The following ASIP variants were observed in gnomAD, a reference collection of about 807,000 sequenced individuals.
The protein encoded by ASIP is agouti signaling protein.
In ASIP, 11 loss-of-function variants were observed where a neutral mutation model predicts 10.3. That is an observed-to-expected ratio of 1.07 (90% CI 0.68 to 1.78). The LOEUF (loss-of-function observed/expected upper bound fraction) is 1.78, where lower values mean the gene tolerates loss of function less well. Among genes scored for constraint, ASIP ranks in the 40% most tolerant of loss-of-function variants. The pLI is 0.00. For missense variants in ASIP, 180 were observed against 169.2 expected (o/e 1.06, Z -0.35); for synonymous variants, 70 against 70.8 (o/e 0.99, Z 0.06).
intron 1 of ASIP, among the ~76,000 whole-genome samples, chr20:34,195,130 G>GGA (rs2034846551): frequency 1.5e-5 from 2 of 135,536 alleles, no homozygotes; most frequent in African/African-American, 5.2e-5. Flanking sequence ...GAAGGTACCA[G>GGA]AAAAAAAAAA....
intron 1 of ASIP, among the ~76,000 whole-genome samples, chr20:34,217,369 C>T (rs1001707543): frequency 6.6e-6 from 1 of 150,912 alleles, no homozygotes; most frequent in Admixed American, 6.6e-5. Flanking sequence ...ACCTGGGAGG[C>T]GCAGGTTGCA....
intron 1 of ASIP, among the ~76,000 whole-genome samples, chr20:34,243,908 CA>C (rs1301003841): frequency 2.0e-5 from 3 of 151,914 alleles, no homozygotes; most frequent in Admixed American, 2.0e-4. Context: ...ACTAAAAATA[CA>C]AAAAAATTAA....
At chr20:34,200,874 G>A (rs2034887650) in intron 1 of ASIP, among the ~76,000 whole-genome samples, 1 of 151,930 alleles carries the variant, frequency 6.6e-6, no homozygotes, top group Non-Finnish European at 1.5e-5. Context: ...TTTACATTTG[G>A]ACACATAGTT....
intron 1 of ASIP, among the ~76,000 whole-genome samples, chr20:34,224,324 C>T (rs1280224736): frequency 2.6e-5 from 4 of 151,478 alleles, no homozygotes; most frequent in South Asian, 2.1e-4. Context: ...TGTGCATATG[C>T]CTTCTCTGGA....
chr20:34,257,990 A>G (rs1303088482), intron 1 of ASIP, among the ~76,000 whole-genome samples: 1 of 152,112 alleles, frequency 6.6e-6, no homozygotes, highest in Non-Finnish European at 1.5e-5. Flanking sequence ...CAAAAAATAC[A>G]AAAATTAGCT....
In ASIP at chr20:34,269,140, C is replaced by A. The variant is rs1174894140; in HGVS notation, c.372C>A (p.Ser124=). The change falls in exon 4 of 4, where the codon TCC becomes TCA. Residue 124 remains serine (S), a synonymous_variant. Transcript: ENST00000374954. ...CQCRFFRSAC[S]CRVLSLNC ...GCCGCTTCTTCCGCAGCGCCTGCTC[C>A]TGCCGCGTGCTCAGCCTCAACTGCT... The A allele has an allele frequency of 2.6e-6, 4 of 1,549,018 alleles. No homozygotes were observed. The highest frequency in any genetic ancestry group is 3.5e-6 in the Non-Finnish European group (4 of 1,146,756).
intron 1 of ASIP, among the ~76,000 whole-genome samples, chr20:34,242,680 G>A (rs17091634): frequency 0.015 from 2,314 of 152,356 alleles, 66 homozygotes; most frequent in African/African-American, 0.053. Flanking sequence ...TAGAACTAAT[G>A]CATACATATT....
intron 1 of ASIP, among the ~76,000 whole-genome samples, chr20:34,242,417 G>A (rs2035297976): frequency 6.6e-6 from 1 of 152,068 alleles, no homozygotes; most frequent in Non-Finnish European, 1.5e-5. Context: ...ATTTTTAGTA[G>A]AGACAGGGTT....
At chr20:34,237,044 T>G (rs2035220020), upstream of ASIP, among the ~76,000 whole-genome samples, 1 of 152,190 alleles carries the variant, frequency 6.6e-6, no homozygotes, top group African/African-American at 2.4e-5. Context: ...TTCTGGGCCT[T>G]TATTTATTCT....
At chr20:34,244,915 C>T (rs1197519153) in intron 1 of ASIP, among the ~76,000 whole-genome samples, 2 of 152,074 alleles carry the variant, frequency 1.3e-5, no homozygotes, top group South Asian at 2.1e-4. Context: ...AGCAAGGAGA[C>T]GTATTACTGG....
intron 3 of ASIP, among the ~76,000 whole-genome samples, chr20:34,267,459 CAAAAAA>C (rs953440256): frequency 2.2e-5 from 1 of 46,280 alleles, no homozygotes; most frequent in South Asian, 9.6e-4. Flanking sequence ...AACTGGCTCT[CAAAAAA>C]AAAAAAAAAA....
intron 1 of ASIP, among the ~76,000 whole-genome samples, chr20:34,245,622 C>T (rs1307214471): frequency 1.3e-5 from 2 of 151,858 alleles, no homozygotes; most frequent in African/African-American, 4.8e-5. Context: ...AACTCCTGAC[C>T]TCATGATCCA....
chr20:34,199,040 C>T (rs950828178), intron 1 of ASIP, among the ~76,000 whole-genome samples: 9 of 151,942 alleles, frequency 5.9e-5, no homozygotes, highest in African/African-American at 9.7e-5. Flanking sequence ...TGTTTTTATG[C>T]GTGGCTTCTT....
chr20:34,232,346 C>T (rs1490019625), intron 1 of ASIP, among the ~76,000 whole-genome samples: 1 of 152,138 alleles, frequency 6.6e-6, no homozygotes, highest in Non-Finnish European at 1.5e-5. Context: ...TCAACAGCAT[C>T]CACCGTCAGT....
intron 1 of ASIP, among the ~76,000 whole-genome samples, chr20:34,259,884 A>C (rs1276677230): frequency 2.0e-5 from 3 of 152,130 alleles, no homozygotes; most frequent in African/African-American, 7.2e-5. Context: ...ATATGAGCCA[A>C]CATATATGCT....
intron 3 of ASIP, among the ~76,000 whole-genome samples, chr20:34,266,916 G>A (rs1056121552): frequency 6.6e-6 from 1 of 152,096 alleles, no homozygotes; most frequent in African/African-American, 2.4e-5. Context: ...CCTTATTCCT[G>A]TCTTAGTGTG....
upstream of ASIP, among the ~76,000 whole-genome samples, chr20:34,193,210 C>T (rs1015033401): frequency 3.9e-5 from 6 of 152,204 alleles, no homozygotes; most frequent in African/African-American, 1.2e-4. Context: ...GCCCCACCTC[C>T]CCCTGTGAGG....
intron 1 of ASIP, among the ~76,000 whole-genome samples, chr20:34,205,672 C>T (rs1048052565): frequency 7.3e-5 from 8 of 109,554 alleles, no homozygotes; most frequent in African/African-American, 5.7e-4. Flanking sequence ...GCTGATTTCT[C>T]CATTTTACAG....
chr20:34,261,776 T>C (rs969710926), intron 2 of ASIP, among the ~76,000 whole-genome samples: 1 of 152,112 alleles, frequency 6.6e-6, no homozygotes, highest in East Asian at 1.9e-4. Flanking sequence ...CACTCCAGCC[T>C]GGGTGACAGA....
Sources: allele counts gnomAD v4.1 joint callset (sites outside exome capture counted in the v4.1 genomes callset), GRCh38; gene constraint gnomAD v4.1.1; transcripts MANE v1.5; gene names NCBI Gene and HGNC (gene_info 2026-07-23, HGNC 2026-07-21).